Variants in SBF2 observed in about 807,000 individuals in gnomAD.
The protein encoded by SBF2 is myotubularin-related protein 13.
In SBF2, 112 loss-of-function variants were observed where a neutral mutation model predicts 225.2. The ratio of observed to expected loss-of-function variants is 0.50; its 90% CI spans 0.43 to 0.58. SBF2 has a LOEUF of 0.58. SBF2 is among the 20% of genes least tolerant of loss of function. The pLI is 0.00. For synonymous variants in SBF2, 763 were observed against 773.3 expected (o/e 0.99, Z 0.22); for missense variants, 1,996 against 2,206.2 (o/e 0.90, Z 1.91).
intron 6 of SBF2, among the ~76,000 whole-genome samples, chr11:10,003,336 T>C (rs7932484): frequency 0.27 from 40,529 of 151,724 alleles, 5,528 homozygotes; most frequent in Middle Eastern, 0.32. Flanking sequence ...GAGATAAATG[T>C]GGTATCTTAT....
chr11:10,295,488 T>C (rs1295053391), upstream of SBF2, among the ~76,000 whole-genome samples: 2 of 151,988 alleles, frequency 1.3e-5, no homozygotes, highest in Non-Finnish European at 2.9e-5. Context: ...AGGAATACTT[T>C]AACTCCAGGA....
chr11:10,201,681 A>ATCCT (rs1229806691), intron 1 of SBF2, among the ~76,000 whole-genome samples: 2 of 152,246 alleles, frequency 1.3e-5, no homozygotes, highest in African/African-American at 4.8e-5. Flanking sequence ...AACTTAGGAA[A>ATCCT]GAGTCCATAG....
chr11:10,050,159 C>T (rs1375931810), intron 2 of SBF2, among the ~76,000 whole-genome samples: 5 of 152,210 alleles, frequency 3.3e-5, no homozygotes, highest in Admixed American at 3.3e-4. Flanking sequence ...AGAATGATGA[C>T]TGCATATTTT....
At chr11:9,832,728 A>G (rs1320683998) in intron 26 of SBF2, among the ~76,000 whole-genome samples, 1 of 152,148 alleles carries the variant, frequency 6.6e-6, no homozygotes, top group Admixed American at 6.5e-5. Context: ...GGCGTGAGCC[A>G]TTGTGCCTGG....
At chr11:9,835,507 G>A (rs181244546) in intron 26 of SBF2, among the ~76,000 whole-genome samples, 12 of 151,558 alleles carry the variant, frequency 7.9e-5, no homozygotes, top group African/African-American at 2.9e-4. Flanking sequence ...GGTGGCATGC[G>A]CCTAGTCCCA....
At chr11:10,057,465 A>C (rs1950294342) in intron 2 of SBF2, among the ~76,000 whole-genome samples, 1 of 151,582 alleles carries the variant, frequency 6.6e-6, no homozygotes, top group African/African-American at 2.4e-5. Context: ...GGTCCCACAA[A>C]CCCCCCATAT....
At chr11:10,263,104 C>T (rs1053131078) in intron 1 of SBF2, among the ~76,000 whole-genome samples, 2 of 151,986 alleles carry the variant, frequency 1.3e-5, no homozygotes, top group Admixed American at 1.3e-4. Context: ...TTAAAATCTC[C>T]TCCTTATAGA....
chr11:10,280,155 A>G (rs1245464031), intron 1 of SBF2, among the ~76,000 whole-genome samples: 2 of 152,210 alleles, frequency 1.3e-5, no homozygotes, highest in African/African-American at 4.8e-5. Context: ...CAGTGCTCAA[A>G]AAGTTTCAGA....
chr11:9,989,356 GTGATGAGTGCACCAA>G (rs1362768335), intron 13 of SBF2, 126 bp downstream of exon 13: 1 of 605,602 alleles, frequency 1.7e-6, no homozygotes, highest in African/African-American at 1.8e-5. Flanking sequence ...TACTGCTTGG[GTGATGAGTGCACCAA>G]AATCTCACAA....
intron 21 of SBF2, among the ~76,000 whole-genome samples, chr11:9,851,147 A>C (rs868804846): frequency 0.022 from 3,171 of 147,262 alleles, 148 homozygotes; most frequent in African/African-American, 0.058. Flanking sequence ...AAAAAAAAAA[A>C]AACAACAACA....
In SBF2 at chr11:9,839,926, C is replaced by T. The variant is rs575887015; in HGVS notation, c.3257-230G>A. ...ACAGATATTGAAGAAATGATTAGCT[C>T]AAAGCACAGGATTAAAAACTTCCTT... On this transcript the variant is annotated intron_variant, in intron 25 of 39. Coordinates refer to ENST00000256190, the MANE Select transcript of SBF2 (RefSeq NM_030962.4). Among the ~76,000 whole-genome samples the T allele has an allele frequency of 2.6e-5, 4 of 152,284 alleles. No individual in the cohort carries two copies. In the East Asian group the frequency reaches 7.7e-4, roughly 29 times the overall value.
At chr11:10,048,034 C>T (rs559895398) in intron 2 of SBF2, among the ~76,000 whole-genome samples, 34 of 152,096 alleles carry the variant, frequency 2.2e-4, no homozygotes, top group Non-Finnish European at 4.4e-4. Context: ...AACTTTTTAT[C>T]TATTAATACT....
At chr11:9,881,211 A>G (rs1859737446) in intron 17 of SBF2, among the ~76,000 whole-genome samples, 2 of 152,244 alleles carry the variant, frequency 1.3e-5, no homozygotes, top group African/African-American at 4.8e-5. Context: ...GTGATTAAAT[A>G]AAGTAAGAAT....
intron 16 of SBF2, among the ~76,000 whole-genome samples, chr11:9,932,230 TC>T (rs1380844791): frequency 6.6e-6 from 1 of 152,098 alleles, no homozygotes; most frequent in Non-Finnish European, 1.5e-5. Flanking sequence ...CAGGAGAACT[TC>T]CCCAACCTAG....
intron 8 of SBF2, among the ~76,000 whole-genome samples, chr11:9,999,719 G>T (rs1947870605): frequency 6.6e-6 from 1 of 152,108 alleles, no homozygotes; most frequent in Non-Finnish European, 1.5e-5. Flanking sequence ...AATGTTTATT[G>T]ATTTACACAT....
chr11:10,149,101 TGC>T (rs1195301111), intron 2 of SBF2: 1 of 152,266 alleles, frequency 6.6e-6, no homozygotes, highest in Non-Finnish European at 1.5e-5. Context: ...CAGATCCAAA[TGC>T]TAATAACCAA....
At chr11:10,235,838 CAGG>C (rs1321313016) in intron 1 of SBF2, among the ~76,000 whole-genome samples, 1 of 152,078 alleles carries the variant, frequency 6.6e-6, no homozygotes, top group East Asian at 1.9e-4. Context: ...CAGGATGAGG[CAGG>C]AGGATCACCT....
intron 2 of SBF2, among the ~76,000 whole-genome samples, chr11:10,167,341 C>T (rs1160202308): frequency 6.6e-6 from 1 of 152,066 alleles, no homozygotes; most frequent in East Asian, 1.9e-4. Context: ...TGGTGGCTCA[C>T]GTCTGTAATC....
intron 25 of SBF2, among the ~76,000 whole-genome samples, chr11:9,841,123 A>G (rs1365118439): frequency 6.6e-6 from 1 of 152,214 alleles, no homozygotes; most frequent in Non-Finnish European, 1.5e-5. Flanking sequence ...ATATTTTAAA[A>G]AAGCAGAACA....
Sources: allele counts gnomAD v4.1 joint callset (sites outside exome capture counted in the v4.1 genomes callset), GRCh38; gene constraint gnomAD v4.1.1; transcripts MANE v1.5; gene names NCBI Gene and HGNC (gene_info 2026-07-23, HGNC 2026-07-21).